The following PJA2 variants were observed in gnomAD, a reference collection of about 807,000 sequenced individuals.
The protein encoded by PJA2 is praja ring finger ubiquitin ligase 2.
In PJA2, 25 loss-of-function variants were observed where a neutral mutation model predicts 69.3. That is an observed-to-expected ratio of 0.36 (90% CI 0.26 to 0.50). The LOEUF (loss-of-function observed/expected upper bound fraction) is 0.50. Ranked by LOEUF, PJA2 falls within the 20% of genes least tolerant of loss-of-function variation. The pLI is 0.96. For missense variants in PJA2, 809 were observed against 830.2 expected, an observed-to-expected ratio of 0.97 and a Z score of 0.31; for synonymous variants, 308 against 277.8, an observed-to-expected ratio of 1.11 and a Z score of -1.08.
chr5:109,356,638 T>C (rs1762417637), intron 6 of PJA2, among the ~76,000 whole-genome samples: 1 of 152,190 alleles, frequency 6.6e-6, no homozygotes, highest in African/African-American at 2.4e-5. Context: ...TAGGTGAGAA[T>C]ATGATAAAGA....
At chr5:109,344,120 A>AT in intron 9 of PJA2, 70 bp downstream of exon 9, 64 of 838,628 alleles carry the variant, frequency 7.6e-5, no homozygotes, top group Non-Finnish European at 9.7e-5. Flanking sequence ...AAAAAAAAAA[A>AT]GATACTATTA....
At position 109,368,980 on chromosome 5, in the gene PJA2, C is replaced by A. The variant is rs564849754; in HGVS notation, c.1284-234G>T. The stretch of plus-strand genomic sequence containing the variant: ...CTGTTCTTGTGATACTGAGTTTTCA[C>A]CAGATCTGGTTGTTTAAAAGTGTGT... On this transcript the variant is annotated intron_variant, in intron 4 of 9. Transcript: ENST00000361189. Among the ~76,000 whole-genome samples the A allele has an allele frequency of 1.8e-4, 27 of 152,130 alleles. No homozygotes were observed. In the East Asian group the frequency reaches 5.2e-3, roughly 29 times the overall value.
At chr5:109,386,301 G>A (rs2127010301) in intron 1 of PJA2, among the ~76,000 whole-genome samples, 1 of 152,274 alleles carries the variant, frequency 6.6e-6, no homozygotes, top group East Asian at 1.9e-4. Flanking sequence ...AAAAGTTAAA[G>A]TATGATGAAG....
At chr5:109,399,048 C>T (rs1747482640) in intron 1 of PJA2, among the ~76,000 whole-genome samples, 1 of 151,976 alleles carries the variant, frequency 6.6e-6, no homozygotes, top group Admixed American at 6.6e-5. Flanking sequence ...CCCATCTCTA[C>T]TAAAAACACA....
At chr5:109,409,611 G>A (rs1417636190) in intron 1 of PJA2, among the ~76,000 whole-genome samples, 3 of 152,146 alleles carry the variant, frequency 2.0e-5, no homozygotes, top group East Asian at 3.9e-4. Context: ...GTCCCGGATA[G>A]GAGCGCGGCC....
chr5:109,355,508 C>T (rs1203576434), intron 7 of PJA2, among the ~76,000 whole-genome samples: 1 of 152,156 alleles, frequency 6.6e-6, no homozygotes, highest in African/African-American at 2.4e-5. Flanking sequence ...AATTTCCTAA[C>T]TGCATTAGGC....
Position 109,337,208 on chromosome 5 carries a change from G to A in PJA2, c.*23C>T. 1 of 1,610,338 alleles carries A rather than the reference G, an allele frequency of 6.2e-7. No homozygotes were observed. Among genetic ancestry groups the A allele is most frequent in the Non-Finnish European group, 8.5e-7 (1 of 1,178,698 alleles). ...ATTTGCAGATTTACTTTGATACACT[G>A]ATCTCATTTCAACTGTCAAGGTTTA... On this transcript the variant is annotated 3_prime_UTR_variant, in exon 10 of 10. Transcript: ENST00000361189.
rs1057442893 is a variant in PJA2, at chr5:109,365,100, G to A, written c.1470-2078C>T. Reference sequence around the variant, plus strand: ...GGCAAAAGCTATAGATTAGGTTTATGCACACTCACTGACCTAGTGGTTCGG... The same window carrying A: ...GGCAAAAGCTATAGATTAGGTTTATACACACTCACTGACCTAGTGGTTCGG... On this transcript the variant is annotated intron_variant, in intron 5 of 9. Coordinates refer to ENST00000361189, the MANE Select transcript of PJA2 (RefSeq NM_014819.5). Among the ~76,000 whole-genome samples the A allele has an allele frequency of 2.6e-5, 4 of 152,204 alleles. No homozygotes were observed. In the South Asian group the frequency reaches 8.3e-4, roughly 31 times the overall value.
intron 9 of PJA2, among the ~76,000 whole-genome samples, chr5:109,337,950 G>A (rs1761977172): frequency 6.6e-6 from 1 of 152,110 alleles, no homozygotes; most frequent in Non-Finnish European, 1.5e-5. Flanking sequence ...TCCAAAAAGA[G>A]ATAAGAGTGT....
chr5:109,344,603 T>A, intron 8 of PJA2, 102 bp downstream of exon 8: 1 of 821,066 alleles, frequency 1.2e-6, no homozygotes, highest in South Asian at 2.5e-5. Flanking sequence ...AAAAATCTAG[T>A]GAAAGTTTCT....
intron 5 of PJA2, among the ~76,000 whole-genome samples, chr5:109,365,206 A>G (rs1762565587): frequency 6.6e-6 from 1 of 152,204 alleles, no homozygotes; most frequent in Admixed American, 6.5e-5. Context: ...AAAACTGTCC[A>G]CCAAATGAAA....
rs1761956191 is a variant in PJA2, at chr5:109,337,031, T to C, written c.*200A>G. On this transcript the variant is annotated 3_prime_UTR_variant, in exon 10 of 10. Coordinates refer to ENST00000361189, the MANE Select transcript of PJA2 (RefSeq NM_014819.5). ...TCAACTAAAGAAAATGGATGCACTGTCTCAACATTCAGCTTAAAAATGTTT... is the reference window on the plus strand; with the variant it reads ...TCAACTAAAGAAAATGGATGCACTGCCTCAACATTCAGCTTAAAAATGTTT... The C allele has an allele frequency of 3.0e-6, 1 of 338,218 alleles. No individual in the cohort carries two copies. The highest frequency in any genetic ancestry group is 4.7e-5 in the Admixed American group (1 of 21,418). The allele number at this position is 338,218 out of a possible 1,614,324, so 21.0% of individuals were successfully genotyped here. A position where few individuals can be genotyped will look rare whatever the true frequency, so the allele number is the denominator to read the frequency against.
In PJA2 at chr5:109,337,026, C is replaced by T. The variant is rs953335185; in HGVS notation, c.*205G>A. ...CATATTCAACTAAAGAAAATGGATG[C>T]ACTGTCTCAACATTCAGCTTAAAAA... On this transcript the variant is annotated 3_prime_UTR_variant, in exon 10 of 10. Transcript: ENST00000361189. The T allele has an allele frequency of 6.5e-6, 2 of 309,966 alleles. No homozygotes were observed. Among genetic ancestry groups the T allele is most frequent in the Non-Finnish European group, 1.1e-5 (2 of 179,706 alleles). 19.2% of individuals were successfully genotyped at this position (309,966 alleles called of 1,614,324 possible). A position where few individuals can be genotyped will look rare whatever the true frequency, so the allele number is the denominator to read the frequency against.
intron 1 of PJA2, among the ~76,000 whole-genome samples, chr5:109,397,986 G>C (rs1747457111): frequency 1.3e-5 from 2 of 152,292 alleles, no homozygotes; most frequent in African/African-American, 4.8e-5. Context: ...CAAAAAGTGG[G>C]TGAAGGATAG....
At chr5:109,392,455 G>A (rs556488789) in intron 1 of PJA2, among the ~76,000 whole-genome samples, 2 of 151,820 alleles carry the variant, frequency 1.3e-5, no homozygotes, top group East Asian at 3.9e-4. Flanking sequence ...CAGCTACTCG[G>A]GAGGCTGAGG....
At position 109,378,223 on chromosome 5, in the gene PJA2, A is replaced by G. The variant is rs1395564575; in HGVS notation, c.1264T>C (p.Tyr422His). The G allele has an allele frequency of 3.1e-6, 5 of 1,612,056 alleles. No individual in the cohort carries two copies. The highest frequency in any genetic ancestry group is 4.2e-6 in the Non-Finnish European group (5 of 1,178,782). Reference sequence around the variant, plus strand: ...CCTTACCTATCTTCATCTTTGTCATAGAGTTGGTAATAATCTCCACAGCCA... The same window carrying G: ...CCTTACCTATCTTCATCTTTGTCATGGAGTTGGTAATAATCTCCACAGCCA... ...WNGCGDYYQL[Y>H]DKDEDSSECS... The change falls in exon 4 of 10, where the codon TAT becomes CAT. Residue 422 changes from tyrosine to histidine, a missense_variant. Transcript: ENST00000361189.
intron 2 of PJA2, 149 bp from the exon 3 acceptor site, chr5:109,381,852 A>G: frequency 1.6e-6 from 1 of 640,668 alleles, no homozygotes; most frequent in Non-Finnish European, 2.6e-6. Flanking sequence ...ACTATAAAAC[A>G]TTATTCTTCA....
intron 2 of PJA2, among the ~76,000 whole-genome samples, chr5:109,382,965 T>C (rs1324855921): frequency 6.6e-6 from 1 of 152,196 alleles, no homozygotes; most frequent in African/African-American, 2.4e-5. Context: ...CATGTATTTA[T>C]AATACACGCA....
chr5:109,366,209 A>C (rs1042441477), intron 5 of PJA2, among the ~76,000 whole-genome samples: 2 of 152,198 alleles, frequency 1.3e-5, no homozygotes, highest in African/African-American at 2.4e-5. Context: ...TAATACAAAA[A>C]CTACCTTACT....
Sources: gnomAD v4.1 joint callset for allele counts (sites outside exome capture counted in the v4.1 genomes callset) on GRCh38, gnomAD v4.1.1 for gene constraint, MANE v1.5 for transcripts, NCBI Gene and HGNC (gene_info 2026-07-23, HGNC 2026-07-21) for gene names.